CC2D2A: variants seen among roughly 807,000 people sequenced by gnomAD.
The protein encoded by CC2D2A is coiled-coil and C2 domain containing 2A.
In CC2D2A, 155 loss-of-function variants were observed where a neutral mutation model predicts 212.9. The ratio of observed to expected loss-of-function variants is 0.73; its 90% confidence interval spans 0.64 to 0.83. The LOEUF is 0.83. CC2D2A is among the 40% of genes least tolerant of loss of function. CC2D2A has a pLI of 0.00. For missense variants in CC2D2A, 1,856 were observed against 1,956.2 expected, an observed-to-expected ratio of 0.95 and a Z score of 0.97; for synonymous variants, 667 against 686.5, an observed-to-expected ratio of 0.97 and a Z score of 0.44.
rs747842583 is a variant in CC2D2A at position 15,550,896 on chromosome 4, G to A, written c.2254G>A (p.Val752Ile). 3.1e-6 allele frequency: 5 copies of A among 1,609,464 alleles called. No homozygotes were observed. Among genetic ancestry groups the A allele is most frequent in the East Asian group, 4.5e-5 (2 of 44,828 alleles). ...EVFLPIPETT[V>I]VTGRAPTEEV... The stretch of plus-strand genomic sequence containing the variant: ...GTTTCTGCCTATTCCTGAGACTACT[G>A]TTGTCACTGGAAGGGCTCCTACTGA... Residue 752 changes from valine (V) to isoleucine (I), a missense_variant, in exon 18 of 37, where the codon GTT becomes ATT. Coordinates refer to ENST00000424120, the MANE Select transcript of CC2D2A (RefSeq NM_001378615.1).
intron 6 of CC2D2A, among the ~76,000 whole-genome samples, chr4:15,508,376 G>A (rs1424031102): frequency 1.3e-5 from 2 of 151,950 alleles, no homozygotes; most frequent in South Asian, 2.1e-4. Flanking sequence ...GGTTTCCCAT[G>A]GGCTAAACTA....
chr4:15,503,062 T>C (rs1716053832), intron 6 of CC2D2A, 139 bp downstream of exon 6: 2 of 565,026 alleles, frequency 3.5e-6, no homozygotes, highest in Admixed American at 4.1e-5. Context: ...TTTGGGAGAC[T>C]GAGGTGGGAG....
chr4:15,600,104 C>T (rs948700993), intron 36 of CC2D2A, among the ~76,000 whole-genome samples: 2 of 152,224 alleles, frequency 1.3e-5, no homozygotes, highest in Non-Finnish European at 2.9e-5. Flanking sequence ...ACCCTCTTTA[C>T]TGCCTGCTGC....
At chr4:15,502,714 C>T in intron 5 of CC2D2A, 108 bp from the exon 6 acceptor site, 2 of 1,096,232 alleles carry the variant, frequency 1.8e-6, no homozygotes, top group East Asian at 2.6e-5. Flanking sequence ...CTTTTCTGAA[C>T]CATTTTCCTT....
chr4:15,493,248 A>T (rs1715417687), intron 4 of CC2D2A, among the ~76,000 whole-genome samples: 1 of 145,132 alleles, frequency 6.9e-6, no homozygotes, highest in African/African-American at 2.7e-5. Context: ...TTTATTTATT[A>T]TTTATTTATT....
Position 15,599,533 on chromosome 4 carries a change from G to A in CC2D2A, c.4501G>A (p.Glu1501Lys). 2 of 1,552,986 alleles carry A rather than the reference G, an allele frequency of 1.3e-6. No homozygotes were observed. Among genetic ancestry groups the A allele is most frequent in the Non-Finnish European group, 1.7e-6 (2 of 1,144,572 alleles). The change falls in exon 36 of 37, where the codon GAA becomes AAA. Residue 1501 changes from glutamate to lysine, a missense_variant. By Grantham distance (56) the Glu-to-Lys change is moderately conservative. This residue lies in a region of CC2D2A where 285 missense variants were observed against 278.4 expected (regional missense o/e 1.02). Coordinates refer to ENST00000424120, the MANE Select transcript of CC2D2A (RefSeq NM_001378615.1). Reference protein sequence around the residue: ...AAAAELQDRIEKILKEKIMDW... With the variant: ...AAAAELQDRIKKILKEKIMDW... ...GAATTTATGTTTTGTGAACAGGATT[G>A]AAAAAATACTAAAAGAAAAAATCAT...
intron 30 of CC2D2A, among the ~76,000 whole-genome samples, chr4:15,581,916 C>T (rs1720680339): frequency 6.6e-6 from 1 of 152,008 alleles, no homozygotes; most frequent in African/African-American, 2.4e-5. Flanking sequence ...GAAACATGAA[C>T]ATACAATGAA....
chr4:15,541,590 G>C (rs747098146), intron 17 of CC2D2A, among the ~76,000 whole-genome samples: 23 of 151,996 alleles, frequency 1.5e-4, no homozygotes, highest in Non-Finnish European at 3.1e-4. Context: ...GCTGAAGGGG[G>C]TGGGGCACAG....
At chr4:15,530,538 T>G (rs1239628037) in intron 13 of CC2D2A, among the ~76,000 whole-genome samples, 1 of 152,162 alleles carries the variant, frequency 6.6e-6, no homozygotes, top group Non-Finnish European at 1.5e-5. Context: ...TCTTTATTGG[T>G]CACTATTTGA....
intron 19 of CC2D2A, among the ~76,000 whole-genome samples, chr4:15,553,518 A>C (rs1164865582): frequency 6.6e-6 from 1 of 152,242 alleles, no homozygotes; most frequent in East Asian, 1.9e-4. Flanking sequence ...AGAAATATTA[A>C]GTGTTTATCG....
At chr4:15,541,817 T>C (rs1718467152) in intron 17 of CC2D2A, among the ~76,000 whole-genome samples, 1 of 152,110 alleles carries the variant, frequency 6.6e-6, no homozygotes, top group Admixed American at 6.5e-5. Flanking sequence ...TTTAGTTTCC[T>C]GGGGAAACTA....
chr4:15,498,721 G>T (rs1246231259), intron 4 of CC2D2A, among the ~76,000 whole-genome samples: 9 of 152,200 alleles, frequency 5.9e-5, no homozygotes, highest in Admixed American at 5.9e-4. Context: ...ATGTCAAAGG[G>T]AGGGAACTGG....
intron 27 of CC2D2A, 77 bp downstream of exon 27, chr4:15,569,466 T>G: frequency 1.2e-6 from 1 of 837,718 alleles, no homozygotes; most frequent in South Asian, 1.5e-5. Context: ...CCAATCACAT[T>G]GTTACCAGAA....
chr4:15,488,998 C>T (rs1715156231), intron 4 of CC2D2A, among the ~76,000 whole-genome samples: 1 of 152,220 alleles, frequency 6.6e-6, no homozygotes, highest in Non-Finnish European at 1.5e-5. Context: ...CACACTCCCC[C>T]ATGATTCCAT....
At chr4:15,489,144 T>C (rs1431272748) in intron 4 of CC2D2A, among the ~76,000 whole-genome samples, 1 of 152,170 alleles carries the variant, frequency 6.6e-6, no homozygotes, top group East Asian at 1.9e-4. Flanking sequence ...CAGAGCCAAT[T>C]TGTCAGTATT....
chr4:15,576,464 A>G (rs1170484593), intron 29 of CC2D2A: 1 of 618,122 alleles, frequency 1.6e-6, no homozygotes, highest in Admixed American at 6.3e-5. Flanking sequence ...GAAAATTTTT[A>G]AAGATGGGTA....
chr4:15,522,027 C>T (rs1037295259), intron 11 of CC2D2A, among the ~76,000 whole-genome samples: 1 of 152,086 alleles, frequency 6.6e-6, no homozygotes, highest in Admixed American at 6.6e-5. Context: ...AGTGAGACCC[C>T]CCTACCTCTA....
chr4:15,510,641 T>C (rs925651249), intron 7 of CC2D2A, among the ~76,000 whole-genome samples: 3 of 152,170 alleles, frequency 2.0e-5, no homozygotes, highest in African/African-American at 7.2e-5. Context: ...CTGACTCCTG[T>C]TGCCATGCAG....
At chr4:15,555,019 T>C in intron 19 of CC2D2A, 53 bp from the exon 20 acceptor site, 1 of 1,566,862 alleles carries the variant, frequency 6.4e-7, no homozygotes, top group African/African-American at 1.3e-5. Context: ...GAGGTCCTGA[T>C]GCAAACTGTT....
Sources: allele counts gnomAD v4.1 joint callset (sites outside exome capture counted in the v4.1 genomes callset), GRCh38; gene constraint gnomAD v4.1.1; regional missense constraint gnomAD v4.1.1; transcripts MANE v1.5; gene names NCBI Gene and HGNC (gene_info 2026-07-23, HGNC 2026-07-21).